Variants in SETD3 observed in about 807,000 individuals in gnomAD.
The protein encoded by SETD3 is actin-histidine N-methyltransferase.
In SETD3, 19 loss-of-function variants were observed where a neutral mutation model predicts 63.0. That is an observed-to-expected ratio of 0.30 (90% CI 0.21 to 0.44). SETD3 has a LOEUF of 0.44. SETD3 is among the 20% of genes least tolerant of loss of function. The pLI is 1.00. For missense variants in SETD3, 587 were observed against 728.5 expected, an observed-to-expected ratio of 0.81 and a Z score of 2.24; for synonymous variants, 286 against 264.1, an observed-to-expected ratio of 1.08 and a Z score of -0.80.
At position 99,413,114 on chromosome 14, in the gene SETD3, T is replaced by A. The variant is rs199673296; in HGVS notation, c.735-49A>T. On this transcript the variant is annotated intron_variant, in intron 7 of 12. Coordinates refer to ENST00000331768, the MANE Select transcript of SETD3 (RefSeq NM_032233.3). Reference sequence around the variant, plus strand: ...TAAGGTTGGAACATTTAAAAGCCAATTGCAGTAAGAAATAACATAACCAAA... The same window carrying A: ...TAAGGTTGGAACATTTAAAAGCCAAATGCAGTAAGAAATAACATAACCAAA... 216 of 1,116,010 alleles carry A rather than the reference T, an allele frequency of 1.9e-4. 1 individual carries two copies. In the East Asian group the frequency reaches 4.7e-3, roughly 24 times the overall value. 69.1% of individuals were successfully genotyped at this position (1,116,010 alleles called of 1,614,324 possible).
At chr14:99,456,096 A>G (rs1894743904) in intron 6 of SETD3, among the ~76,000 whole-genome samples, 1 of 152,216 alleles carries the variant, frequency 6.6e-6, no homozygotes, top group Non-Finnish European at 1.5e-5. Context: ...TCGAGGCTGC[A>G]GTGAGCCATC....
At chr14:99,403,451 A>ACTCTCTCTCTCTCTCTCTCTCTCT (rs1316443573) in intron 11 of SETD3, among the ~76,000 whole-genome samples, 4 of 107,134 alleles carry the variant, frequency 3.7e-5, no homozygotes, top group East Asian at 3.9e-4. Flanking sequence ...ACACACACAC[A>ACTCTCTCTCTCTCTCTCTCTCTCT]CACACTCTCT....
Position 99,453,445 on chromosome 14 carries a change from A to G in SETD3, c.675+4834T>C, listed in dbSNP as rs180819479. On this transcript the variant is annotated intron_variant, in intron 6 of 12. Transcript: ENST00000331768. ...TTCAAAAGCTCTTAGCCCACAGCCT[A>G]TTCCTTCCTGCCACCGCAGTGCACC... 3.9e-4 allele frequency among the ~76,000 whole-genome samples: 59 copies of G among 152,270 alleles called. 2 individuals are homozygous for G. The highest frequency in any genetic ancestry group is 1.5e-3 in the Admixed American group (23 of 15,288).
chr14:99,406,390 A>G (rs1249523945), intron 9 of SETD3, 126 bp downstream of exon 9: 4 of 816,650 alleles, frequency 4.9e-6, no homozygotes, highest in Non-Finnish European at 8.1e-6. Flanking sequence ...GTTCCAGAAA[A>G]ACAATCCTCA....
rs367770346 is a variant in SETD3 at position 99,400,021 on chromosome 14, G to A, written c.1338+78C>T. The A allele has an allele frequency of 2.1e-5, 28 of 1,341,618 alleles. No homozygotes were observed. The African/African-American group carries it at 2.8e-4, about 13-fold the overall frequency. 83.1% of individuals were successfully genotyped at this position (1,341,618 alleles called of 1,614,324 possible). ...CTCCCAAAGTGCTGGGATTACAGGC[G>A]TGAGCCACCGCACCAAGCCTCATTA... On this transcript the variant is annotated intron_variant, in intron 12 of 12. Transcript: ENST00000331768.
At chr14:99,441,201 G>T (rs1173355106) in intron 6 of SETD3, among the ~76,000 whole-genome samples, 3 of 152,246 alleles carry the variant, frequency 2.0e-5, no homozygotes, top group African/African-American at 7.2e-5. Flanking sequence ...CCAGTGTGGG[G>T]TGTGGCGGAT....
intron 9 of SETD3, 36 bp from the exon 10 acceptor site, chr14:99,405,407 G>C (rs563961755): frequency 1.3e-6 from 2 of 1,597,906 alleles, no homozygotes; most frequent in Admixed American, 3.4e-5. Context: ...AAGGGCATTA[G>C]ACAAACTTGG....
intron 8 of SETD3, among the ~76,000 whole-genome samples, chr14:99,409,542 C>T (rs1891863957): frequency 6.6e-6 from 1 of 152,158 alleles, no homozygotes; most frequent in African/African-American, 2.4e-5. Flanking sequence ...AACTCAATGG[C>T]ACACTTGGTG....
chr14:99,457,396 A>AT (rs1894821353), intron 6 of SETD3, among the ~76,000 whole-genome samples: 1 of 152,234 alleles, frequency 6.6e-6, no homozygotes, highest in Non-Finnish European at 1.5e-5. Context: ...CAAAGTGAAA[A>AT]TAATAAACGG....
Position 99,404,418 on chromosome 14 carries a change from G to A in SETD3, c.1092-108C>T, listed in dbSNP as rs145554238. On this transcript the variant is annotated intron_variant, in intron 10 of 12. Transcript: ENST00000331768. ...CGTGTGGTTGTCCTCAAGGAGAGCT[G>A]AGCTGGAATGGGTCATTCCAGCTCC... The A allele has an allele frequency of 4.4e-4, 418 of 947,772 alleles. 1 individual carries two copies. Among genetic ancestry groups the A allele is most frequent in the Middle Eastern group, 8.7e-4 (4 of 4,590 alleles). The allele number at this position is 947,772 out of a possible 1,614,324, so 58.7% of individuals were successfully genotyped here.
intron 6 of SETD3, among the ~76,000 whole-genome samples, chr14:99,457,844 C>A (rs887178337): frequency 2.0e-5 from 3 of 152,150 alleles, no homozygotes. Flanking sequence ...ACACAGTACA[C>A]GTTGAAAAAC....
At chr14:99,419,953 T>C (rs1200696019) in intron 6 of SETD3, among the ~76,000 whole-genome samples, 2 of 152,214 alleles carry the variant, frequency 1.3e-5, no homozygotes. Flanking sequence ...TAGAAATTCA[T>C]TCATTCAACA....
At chr14:99,414,363 T>C (rs1247652178) in intron 6 of SETD3, among the ~76,000 whole-genome samples, 1 of 152,242 alleles carries the variant, frequency 6.6e-6, no homozygotes, top group Non-Finnish European at 1.5e-5. Context: ...TCAAATCCCA[T>C]GTCAACAAAA....
intron 6 of SETD3, among the ~76,000 whole-genome samples, chr14:99,418,420 G>A (rs1172457105): frequency 1.3e-5 from 2 of 152,058 alleles, no homozygotes; most frequent in Non-Finnish European, 2.9e-5. Context: ...TAACTCACGT[G>A]ATGGTTTCAT....
chr14:99,468,375 C>G (rs1463151083), intron 1 of SETD3, among the ~76,000 whole-genome samples: 1 of 152,164 alleles, frequency 6.6e-6, no homozygotes, highest in Non-Finnish European at 1.5e-5. Context: ...CTGCTTAAAT[C>G]TACCCTCACG....
intron 1 of SETD3, among the ~76,000 whole-genome samples, chr14:99,473,218 A>G (rs1895797468): frequency 6.6e-6 from 1 of 152,212 alleles, no homozygotes. Flanking sequence ...ATTCTTTTCC[A>G]TCGAATCTGA....
Position 99,406,107 on chromosome 14 carries a change from C to T in SETD3, c.924+409G>A, listed in dbSNP as rs147809154. On this transcript the variant is annotated intron_variant, in intron 9 of 12. Coordinates refer to ENST00000331768, the MANE Select transcript of SETD3 (RefSeq NM_032233.3). The stretch of plus-strand genomic sequence containing the variant: ...AGATTAAAATGAAAGTATAAGACAA[C>T]AGATTCCCTTGCTTTTGCCCCTTAA... 2.7e-3 allele frequency among the ~76,000 whole-genome samples: 405 copies of T among 152,264 alleles called. 2 individuals are homozygous for T. Among genetic ancestry groups the T allele is most frequent in the African/African-American group, 9.4e-3 (392 of 41,558 alleles).
chr14:99,406,360 G>A lies in SETD3; in HGVS notation c.924+156C>T, dbSNP rs114881914. 3.2e-3 allele frequency among the ~76,000 whole-genome samples: 487 copies of A among 152,242 alleles called. 2 individuals carry two copies. Among genetic ancestry groups the A allele is most frequent in the Middle Eastern group, 0.014 (4 of 294 alleles). On this transcript the variant is annotated intron_variant, in intron 9 of 12. Coordinates refer to ENST00000331768, the MANE Select transcript of SETD3 (RefSeq NM_032233.3). ...AAGCACAAGTGAATATGTGTACTACGGGTTCTGGTCTCAAGATGTGTTCCA... is the reference window on the plus strand; with the variant it reads ...AAGCACAAGTGAATATGTGTACTACAGGTTCTGGTCTCAAGATGTGTTCCA...
intron 6 of SETD3, 133 bp from the exon 7 acceptor site, chr14:99,414,067 C>G (rs1007346096): frequency 7.8e-6 from 6 of 770,864 alleles, no homozygotes; most frequent in Non-Finnish European, 1.3e-5. Context: ...GGCGTCCAGC[C>G]GCGCTACAGA....
Sources: allele counts gnomAD v4.1 joint callset (sites outside exome capture counted in the v4.1 genomes callset), GRCh38; gene constraint gnomAD v4.1.1; transcripts MANE v1.5; gene names NCBI Gene and HGNC (gene_info 2026-07-23, HGNC 2026-07-21).